Variants in GLIS3 observed in about 807,000 individuals in gnomAD.
GLIS3 encodes the protein zinc finger protein GLIS3.
Under a neutral mutation model 78.6 loss-of-function variants are expected in GLIS3, and 53 were observed. The ratio of observed to expected loss-of-function variants is 0.67; its 90% CI spans 0.54 to 0.85. The LOEUF (loss-of-function observed/expected upper bound fraction) is 0.85, where lower values mean the gene tolerates loss of function less well. GLIS3 is among the 40% of genes least tolerant of loss of function. GLIS3 has a pLI of 0.00. For synonymous variants in GLIS3, 684 were observed against 509.9 expected (o/e 1.34, Z -4.60); for missense variants, 1,703 against 1,231.1 (o/e 1.38, Z -5.74).
At chr9:4,233,016 C>T (rs1331498822) in intron 2 of GLIS3, among the ~76,000 whole-genome samples, 1 of 152,202 alleles carries the variant, frequency 6.6e-6, no homozygotes, top group Non-Finnish European at 1.5e-5. Context: ...AAGACCATTA[C>T]TACCACCACA....
At chr9:4,238,319 A>C (rs1298081429) in intron 2 of GLIS3, among the ~76,000 whole-genome samples, 1 of 151,938 alleles carries the variant, frequency 6.6e-6, no homozygotes, top group Non-Finnish European at 1.5e-5. Context: ...GATGACACAG[A>C]AGGAGAGGGA....
At chr9:4,140,624 T>C (rs929102724) in intron 2 of GLIS3, among the ~76,000 whole-genome samples, 1 of 152,102 alleles carries the variant, frequency 6.6e-6, no homozygotes, top group African/African-American at 2.4e-5. Flanking sequence ...AACTATCTCA[T>C]AGGCCAGATA....
Position 4,027,971 on chromosome 9 carries a change from C to A in GLIS3, c.1710+89797G>T, listed in dbSNP as rs145355938. On this transcript the variant is annotated intron_variant, in intron 4 of 10. Transcript: ENST00000381971. ...CCAGTGGGTGAGAGTCACGTCAAGT[C>A]CATTCCAAGAGACCTGTATGCAAAG... 2.6e-4 allele frequency among the ~76,000 whole-genome samples: 40 copies of A among 152,316 alleles called. No homozygotes were observed. In the East Asian group the frequency reaches 5.4e-3, roughly 21 times the overall value.
chr9:4,347,299 G>C (rs1277504721), intron 1 of GLIS3: 2 of 152,110 alleles, frequency 1.3e-5, no homozygotes, highest in Non-Finnish European at 2.9e-5. Flanking sequence ...TCCTCGGGGA[G>C]GGCATTAATC....
chr9:4,202,180 T>C (rs1267943496), intron 2 of GLIS3, among the ~76,000 whole-genome samples: 1 of 140,758 alleles, frequency 7.1e-6, no homozygotes, highest in Non-Finnish European at 1.5e-5. Context: ...AGACGGAGTC[T>C]TGCTCTGTTG....
At chr9:4,122,768 C>G (rs1298057294) in intron 3 of GLIS3, among the ~76,000 whole-genome samples, 1 of 152,174 alleles carries the variant, frequency 6.6e-6, no homozygotes, top group Non-Finnish European at 1.5e-5. Context: ...TTCTACTACT[C>G]AATGTTTGTT....
intron 3 of GLIS3, among the ~76,000 whole-genome samples, chr9:4,310,235 T>G (rs1353551726): frequency 6.6e-6 from 1 of 152,226 alleles, no homozygotes; most frequent in Non-Finnish European, 1.5e-5. Flanking sequence ...GGCCTTTTTC[T>G]TACTGACATG....
At chr9:3,905,140 A>ATTTTTTTTTTTTTTTTTTTTTTTT (rs369063136) in intron 6 of GLIS3, among the ~76,000 whole-genome samples, 1 of 109,124 alleles carries the variant, frequency 9.2e-6, no homozygotes. Context: ...GCCCGGTTAA[A>ATTTTTTTTTTTTTTTTTTTTTTTT]TTTTTTTCTT....
At chr9:4,182,900 C>T (rs892436771) in intron 2 of GLIS3, among the ~76,000 whole-genome samples, 1 of 152,172 alleles carries the variant, frequency 6.6e-6, no homozygotes, top group Admixed American at 6.5e-5. Flanking sequence ...TCCTAGTTTA[C>T]TAATAAGGGA....
At position 3,874,932 on chromosome 9, in the gene GLIS3, C is replaced by T. The variant is rs1005371506; in HGVS notation, c.2297+4495G>A. On this transcript the variant is annotated intron_variant, in intron 8 of 10. Coordinates refer to ENST00000381971, the MANE Select transcript of GLIS3 (RefSeq NM_001042413.2). ...GCCTCCTTCAGCTCTATTACCTGAACGACAAAGCGCACTGTTTGTGGCCTT... is the reference window on the plus strand; with the variant it reads ...GCCTCCTTCAGCTCTATTACCTGAATGACAAAGCGCACTGTTTGTGGCCTT... 9.2e-5 allele frequency among the ~76,000 whole-genome samples: 14 copies of T among 152,300 alleles called. No individual in the cohort carries two copies. The Middle Eastern group carries it at 0.01, about 111-fold the overall frequency.
chr9:4,282,743 A>T (rs1266229826), intron 2 of GLIS3, among the ~76,000 whole-genome samples: 1 of 144,448 alleles, frequency 6.9e-6, no homozygotes, highest in Non-Finnish European at 1.6e-5. Context: ...AAATTTCTTT[A>T]TATATATACA....
At chr9:4,173,343 TTTTTC>T (rs558394430) in intron 2 of GLIS3, among the ~76,000 whole-genome samples, 9 of 152,270 alleles carry the variant, frequency 5.9e-5, no homozygotes, top group Non-Finnish European at 4.4e-5. Context: ...TGTTTTCTCC[TTTTTC>T]TTTCACCCTT....
At chr9:4,488,879 C>A in the GLIS3 span, among the ~76,000 whole-genome samples, 1 of 150,584 alleles carries the variant, frequency 6.6e-6, no homozygotes, top group African/African-American at 2.4e-5. Flanking sequence ...TTTCTTTTTT[C>A]TTTTTTTTTG....
intron 2 of GLIS3, among the ~76,000 whole-genome samples, chr9:4,316,030 G>T (rs913166408): frequency 2.0e-5 from 3 of 152,086 alleles, no homozygotes; most frequent in Admixed American, 6.5e-5. Flanking sequence ...ATTTATCTGG[G>T]ATGATCACAA....
At chr9:4,260,857 G>T (rs1487039005) in intron 2 of GLIS3, among the ~76,000 whole-genome samples, 1 of 152,170 alleles carries the variant, frequency 6.6e-6, no homozygotes, top group Non-Finnish European at 1.5e-5. Context: ...TTCTCTCCAT[G>T]TATTACTGCC....
chr9:3,903,715 G>C (rs1177708161), intron 6 of GLIS3, among the ~76,000 whole-genome samples: 1 of 152,112 alleles, frequency 6.6e-6, no homozygotes, highest in East Asian at 1.9e-4. Context: ...ATAATAAACA[G>C]TAAACTAACT....
At chr9:4,482,931 AAG>A in the GLIS3 span, among the ~76,000 whole-genome samples, 853 of 152,322 alleles carry the variant, frequency 5.6e-3, 5 homozygotes, top group Non-Finnish European at 8.3e-3. Context: ...TAGGGAAAAA[AAG>A]AGAGAAGCTA....
the GLIS3 span, among the ~76,000 whole-genome samples, chr9:4,369,688 G>A: frequency 6.6e-6 from 1 of 152,076 alleles, no homozygotes; most frequent in Admixed American, 6.5e-5. Flanking sequence ...ATGGCGTGAT[G>A]GTCAAATGTG....
At chr9:4,002,208 GAGGTCACAAGCCAAGGAATGC>G in intron 4 of GLIS3, among the ~76,000 whole-genome samples, 1 of 152,282 alleles carries the variant, frequency 6.6e-6, no homozygotes, top group South Asian at 2.1e-4. Context: ...ACATGAGTAA[GAGGTCACAAGCCAAGGAATGC>G]AGGCGGCCTC....
Sources: allele counts gnomAD v4.1 joint callset (sites outside exome capture counted in the v4.1 genomes callset), GRCh38; gene constraint gnomAD v4.1.1; transcripts MANE v1.5; gene names NCBI Gene and HGNC (gene_info 2026-07-23, HGNC 2026-07-21).